EGLN1: variants seen among roughly 807,000 people sequenced by gnomAD.
EGLN1 encodes the protein egl nine homolog 1.
EGLN1 carries 17 observed loss-of-function variants against 38.3 expected under a neutral mutation model. The ratio of observed to expected loss-of-function variants is 0.44; its 90% CI spans 0.30 to 0.67. The LOEUF (loss-of-function observed/expected upper bound fraction) is 0.67, where lower values mean the gene tolerates loss of function less well. Ranked by LOEUF, EGLN1 falls within the 30% of genes least tolerant of loss-of-function variation. The probability of loss-of-function intolerance (pLI) is 0.08; values close to 1 mark genes in which losing one functional copy is unlikely to be tolerated. For missense variants in EGLN1, 477 were observed against 603.3 expected (o/e 0.79, Z 2.19); for synonymous variants, 283 against 257.5 (o/e 1.10, Z -0.95).
At chr1:231,392,578 C>T (rs1173174495) in intron 1 of EGLN1, among the ~76,000 whole-genome samples, 1 of 152,016 alleles carries the variant, frequency 6.6e-6, no homozygotes, top group African/African-American at 2.4e-5. Context: ...TGGAGCTGTC[C>T]AGCCTGAATT....
intron 1 of EGLN1, among the ~76,000 whole-genome samples, chr1:231,396,042 A>G (rs1688519996): frequency 6.6e-6 from 1 of 151,756 alleles, no homozygotes; most frequent in Admixed American, 6.6e-5. Flanking sequence ...TTAAAAAGAA[A>G]AAAAAAAAAG....
At chr1:231,386,482 C>G (rs1250652736) in intron 1 of EGLN1, among the ~76,000 whole-genome samples, 2 of 152,150 alleles carry the variant, frequency 1.3e-5, no homozygotes, top group African/African-American at 4.8e-5. Context: ...TAACATTAAC[C>G]TCATTCTACT....
chr1:231,391,761 T>C (rs558276902), intron 1 of EGLN1, among the ~76,000 whole-genome samples: 9 of 152,264 alleles, frequency 5.9e-5, no homozygotes, highest in South Asian at 4.1e-4. Context: ...AAACACACTA[T>C]TAGCTTTTTA....
intron 1 of EGLN1, among the ~76,000 whole-genome samples, chr1:231,411,833 C>T (rs1369097255): frequency 6.6e-6 from 1 of 151,424 alleles, no homozygotes; most frequent in African/African-American, 2.4e-5. Context: ...CCTGTCTCTA[C>T]TAAACATACA....
At position 231,379,257 on chromosome 1, in the gene EGLN1, T is replaced by G. The variant is rs191684764; in HGVS notation, c.892-5158A>C. 5.3e-5 allele frequency among the ~76,000 whole-genome samples: 8 copies of G among 152,322 alleles called. No individual in the cohort carries two copies. In the East Asian group the frequency reaches 1.2e-3, roughly 22 times the overall value. ...GTAAGCGGCCCACCACCTGCTGCAG[T>G]GGCACATGCTCATGCCTAATGCCCA... On this transcript the variant is annotated intron_variant, in intron 1 of 4. Coordinates refer to ENST00000366641, the MANE Select transcript of EGLN1 (RefSeq NM_022051.3).
At chr1:231,411,352 A>C (rs1445718153) in intron 1 of EGLN1, among the ~76,000 whole-genome samples, 7 of 152,176 alleles carry the variant, frequency 4.6e-5, no homozygotes, top group African/African-American at 1.7e-4. Flanking sequence ...GCCATGTGGA[A>C]CTGTGAGTCA....
chr1:231,374,161 A>G (rs1427940056), intron 1 of EGLN1, 62 bp from the exon 2 acceptor site: 4 of 1,482,960 alleles, frequency 2.7e-6, no homozygotes, highest in Non-Finnish European at 3.8e-6. Flanking sequence ...AGAACAGCTA[A>G]TAAATCAGAT....
At chr1:231,417,089 G>A (rs1689103352) in intron 1 of EGLN1, among the ~76,000 whole-genome samples, 1 of 152,126 alleles carries the variant, frequency 6.6e-6, no homozygotes, top group Non-Finnish European at 1.5e-5. Context: ...ACTGATGAGG[G>A]CTCTCTTCCT....
At chr1:231,391,310 A>G (rs1029063729) in intron 1 of EGLN1, among the ~76,000 whole-genome samples, 2 of 152,108 alleles carry the variant, frequency 1.3e-5, no homozygotes, top group African/African-American at 4.8e-5. Context: ...CTCTAAGACT[A>G]TACATCCATA....
At chr1:231,405,340 C>A (rs530942958) in intron 1 of EGLN1, among the ~76,000 whole-genome samples, 1 of 151,904 alleles carries the variant, frequency 6.6e-6, no homozygotes, top group African/African-American at 2.4e-5. Context: ...CCACCATGCC[C>A]GGCTTTTTTT....
chr1:231,409,607 T>C (rs1688883088), intron 1 of EGLN1, among the ~76,000 whole-genome samples: 1 of 152,170 alleles, frequency 6.6e-6, no homozygotes, highest in African/African-American at 2.4e-5. Flanking sequence ...TCACATTGAG[T>C]TTGCAATACT....
At chr1:231,387,624 G>A (rs918244232) in intron 1 of EGLN1, among the ~76,000 whole-genome samples, 2 of 152,140 alleles carry the variant, frequency 1.3e-5, no homozygotes, top group African/African-American at 4.8e-5. Context: ...CTCCCAAAGT[G>A]CTGGGATTAT....
At chr1:231,413,784 ATATAACAAAGGGTAAAGAG>A (rs1298752023) in intron 1 of EGLN1, among the ~76,000 whole-genome samples, 1 of 152,094 alleles carries the variant, frequency 6.6e-6, no homozygotes, top group Non-Finnish European at 1.5e-5. Context: ...GACTCAGAAA[ATATAACAAAGGGTAAAGAG>A]TACACGTATT....
chr1:231,399,376 T>C (rs190410326), intron 1 of EGLN1, among the ~76,000 whole-genome samples: 131 of 152,250 alleles, frequency 8.6e-4, no homozygotes, highest in African/African-American at 2.9e-3. Flanking sequence ...GTGGCAGGGG[T>C]AGAATTCAAA....
chr1:231,393,053 T>C (rs1284392743), intron 1 of EGLN1, among the ~76,000 whole-genome samples: 1 of 152,208 alleles, frequency 6.6e-6, no homozygotes, highest in Non-Finnish European at 1.5e-5. Flanking sequence ...AAGCCCTTGG[T>C]AAAGAGCAGC....
intron 1 of EGLN1, among the ~76,000 whole-genome samples, chr1:231,379,730 A>G (rs113647577): frequency 2.6e-5 from 4 of 152,344 alleles, no homozygotes; most frequent in African/African-American, 9.6e-5. Context: ...GAGCACCTGA[A>G]GAAAACTTCG....
At position 231,408,728 on chromosome 1, in the gene EGLN1, G is replaced by A. The variant is rs769640925; in HGVS notation, c.891+12270C>T. On this transcript the variant is annotated intron_variant, in intron 1 of 4. Coordinates refer to ENST00000366641, the MANE Select transcript of EGLN1 (RefSeq NM_022051.3). ...CACTATAGTAGAGGAAATGGGAATG[G>A]AAACCAGCCACAGTGAAGTATGCTA... 2.6e-5 allele frequency among the ~76,000 whole-genome samples: 4 copies of A among 152,250 alleles called. No individual in the cohort carries two copies. The East Asian group carries it at 7.8e-4, about 30-fold the overall frequency.
intron 1 of EGLN1, among the ~76,000 whole-genome samples, chr1:231,389,931 A>G (rs1006596903): frequency 7.2e-5 from 11 of 152,272 alleles, no homozygotes; most frequent in African/African-American, 2.6e-4. Context: ...CTGGCAATAC[A>G]GCAAGATGCT....
chr1:231,390,254 C>T (rs2474628), intron 1 of EGLN1, among the ~76,000 whole-genome samples: 82,967 of 152,072 alleles, frequency 0.55, 24,253 homozygotes, highest in Non-Finnish European at 0.65. Context: ...AAGCCTTCAG[C>T]GCTGTTTCCT....
Sources: gnomAD v4.1 joint callset for allele counts (sites outside exome capture counted in the v4.1 genomes callset) on GRCh38, gnomAD v4.1.1 for gene constraint, MANE v1.5 for transcripts, NCBI Gene and HGNC (gene_info 2026-07-23, HGNC 2026-07-21) for gene names.